The following NPHP1 variants were observed in gnomAD, a reference collection of about 807,000 sequenced individuals.
NPHP1 encodes the protein nephrocystin 1.
Under a neutral mutation model 90.4 loss-of-function variants are expected in NPHP1, and 70 were observed. The ratio of observed to expected loss-of-function variants is 0.77; its 90% CI spans 0.64 to 0.95. The LOEUF is 0.95. Among genes scored for constraint, NPHP1 ranks in the 40% least tolerant of loss-of-function variants. NPHP1 has a pLI of 0.00. For missense variants in NPHP1, 764 were observed against 795.9 expected (o/e 0.96, Z 0.48); for synonymous variants, 256 against 271.7 (o/e 0.94, Z 0.57).
chr2:110,141,988 A>AG (rs1239687628), intron 16 of NPHP1, among the ~76,000 whole-genome samples: 4 of 150,860 alleles, frequency 2.7e-5, no homozygotes, highest in African/African-American at 9.8e-5. Flanking sequence ...AAAAAAAAAA[A>AG]AGAAAGAAAA....
At chr2:110,191,229 G>A (rs1057110336) in intron 2 of NPHP1, among the ~76,000 whole-genome samples, 7 of 152,248 alleles carry the variant, frequency 4.6e-5, no homozygotes, top group Middle Eastern at 3.4e-3. Context: ...TGCCTCACCC[G>A]GGAAGCACAA....
At chr2:110,164,797 T>C in intron 7 of NPHP1, 67 bp from the exon 8 acceptor site, 1 of 1,325,938 alleles carries the variant, frequency 7.5e-7, no homozygotes, top group Non-Finnish European at 1.1e-6. Context: ...AGGGAACTTC[T>C]TTAATCACAG....
At chr2:110,145,366 C>T (rs994508115) in intron 14 of NPHP1, among the ~76,000 whole-genome samples, 6 of 152,170 alleles carry the variant, frequency 3.9e-5, no homozygotes, top group Admixed American at 2.0e-4. Flanking sequence ...AAACTGCTCA[C>T]TGCAGTCTCG....
At chr2:110,158,561 G>A (rs11900291) in intron 11 of NPHP1, among the ~76,000 whole-genome samples, 6,518 of 152,026 alleles carry the variant, frequency 0.043, 459 homozygotes, top group African/African-American at 0.15. Flanking sequence ...TTATCACTAT[G>A]TAGTGCCTGA....
intron 2 of NPHP1, among the ~76,000 whole-genome samples, chr2:110,180,684 AGGGAACAAG>A (rs925013438): frequency 2.5e-4 from 38 of 152,086 alleles, no homozygotes; most frequent in African/African-American, 8.9e-4. Context: ...TAGAAAAGCC[AGGGAACAAG>A]GGGAACAAGA....
Position 110,169,911 on chromosome 2 carries a change from T to C in NPHP1, c.417A>G (p.Glu139=), listed in dbSNP as rs1274150095. 2.5e-6 allele frequency: 4 copies of C among 1,609,464 alleles called. No homozygotes were observed. Among genetic ancestry groups the C allele is most frequent in the Non-Finnish European group, 3.4e-6 (4 of 1,175,970 alleles). ...ATTCATTTTCCTCTTTCTCTTCCTC[T>C]TCCTCCTCTGCATCTTCTTCCTCCC... is the stretch of plus-strand genomic sequence containing the variant. ...SGGEEEDAEE[E]EEEKEENESH... is the part of the protein sequence containing the mutation. Residue 139 remains glutamate (E), a synonymous_variant, in exon 5 of 20, where the codon GAA becomes GAG. Coordinates refer to ENST00000445609, the MANE Select transcript of NPHP1 (RefSeq NM_001128178.3).
At position 110,190,544 on chromosome 2, in the gene NPHP1, T is replaced by C. The variant is rs539267582; in HGVS notation, c.144-10860A>G. ...AACTCACGCTGGCCCACAAGCACCGTGTGCAGGCCCGGTTCCCACCCGCGC... is the reference window on the plus strand; with the variant it reads ...AACTCACGCTGGCCCACAAGCACCGCGTGCAGGCCCGGTTCCCACCCGCGC... On this transcript the variant is annotated intron_variant, in intron 2 of 19. Transcript: ENST00000445609. Among the ~76,000 whole-genome samples, 9 of 152,224 alleles carry C rather than the reference T, an allele frequency of 5.9e-5. No homozygotes were observed. The East Asian group carries it at 1.7e-3, about 29-fold the overall frequency.
In NPHP1 at chr2:110,146,773, A is replaced by G. The variant is rs1445661645; in HGVS notation, c.1332T>C (p.Ser444=). The change falls in exon 14 of 20, where the codon AGT becomes AGC. Residue 444 remains serine, a synonymous_variant. Coordinates refer to ENST00000445609, the MANE Select transcript of NPHP1 (RefSeq NM_001128178.3). ...CTTACTTTGCTGGAATAGGAACTCC[A>G]CTGGCATCAAAAAGTTTAAGAAACA... ...GWVFLKLFDA[S]GVPIPAKTYE... 9.3e-6 allele frequency: 15 copies of G among 1,612,590 alleles called. No homozygotes were observed. Among genetic ancestry groups the G allele is most frequent in the Non-Finnish European group, 1.2e-5 (14 of 1,178,602 alleles).
At chr2:110,173,785 A>G (rs1404878354) in intron 4 of NPHP1, among the ~76,000 whole-genome samples, 4 of 152,148 alleles carry the variant, frequency 2.6e-5, no homozygotes, top group African/African-American at 9.7e-5. Flanking sequence ...ACATATCCCT[A>G]TCACTAAGAA....
At chr2:110,188,551 A>G (rs979852087) in intron 2 of NPHP1, among the ~76,000 whole-genome samples, 10 of 152,202 alleles carry the variant, frequency 6.6e-5, no homozygotes, top group African/African-American at 2.4e-4. Context: ...GCTTGTGGAT[A>G]GGAAGAATCA....
At chr2:110,164,468 A>G in intron 8 of NPHP1, 10 of 870,538 alleles carry the variant, frequency 1.1e-5, no homozygotes, top group African/African-American at 5.0e-5. Context: ...GACACCATGA[A>G]TTATCTATTC....
At chr2:110,164,626 T>C in intron 8 of NPHP1, 62 bp downstream of exon 8, 1 of 1,612,900 alleles carries the variant, frequency 6.2e-7, no homozygotes, top group South Asian at 1.1e-5. Flanking sequence ...CTCCATCCTA[T>C]TTCGCATCAG....
At chr2:110,173,217 G>T (rs374307031) in intron 4 of NPHP1, among the ~76,000 whole-genome samples, 1 of 152,046 alleles carries the variant, frequency 6.6e-6, no homozygotes, top group Non-Finnish European at 1.5e-5. Context: ...CAGCACAGGC[G>T]TGAGCCACCG....
chr2:110,190,275 G>A (rs1048047416), intron 2 of NPHP1, among the ~76,000 whole-genome samples: 1 of 152,186 alleles, frequency 6.6e-6, no homozygotes, highest in Admixed American at 6.5e-5. Flanking sequence ...GGGCACTGTG[G>A]AGCAGGGGGT....
chr2:110,193,470 A>G (rs1056007962), intron 2 of NPHP1, among the ~76,000 whole-genome samples: 1 of 152,116 alleles, frequency 6.6e-6, no homozygotes, highest in African/African-American at 2.4e-5. Flanking sequence ...TCCTAAATAT[A>G]TATGCACCCA....
chr2:110,184,391 G>C, intron 2 of NPHP1: 1 of 618,464 alleles, frequency 1.6e-6, no homozygotes, highest in Non-Finnish European at 3.0e-6. Context: ...TCCTCACTGA[G>C]GCACCTTTAA....
intron 17 of NPHP1, among the ~76,000 whole-genome samples, chr2:110,130,053 C>A (rs1679671430): frequency 6.6e-6 from 1 of 152,150 alleles, no homozygotes; most frequent in Admixed American, 6.5e-5. Context: ...GAACACTGTG[C>A]CATCACGTGG....
chr2:110,153,594 G>A (rs1412616511), intron 11 of NPHP1, among the ~76,000 whole-genome samples: 1 of 152,146 alleles, frequency 6.6e-6, no homozygotes, highest in Non-Finnish European at 1.5e-5. Flanking sequence ...AGCTATGCAT[G>A]TATAAACTTA....
chr2:110,123,520 T>C lies in NPHP1; in HGVS notation c.*271A>G, dbSNP rs1455031958. On this transcript the variant is annotated 3_prime_UTR_variant, in exon 20 of 20. Transcript: ENST00000445609. ...TGACAAAATCTTGCTTTTATAGAAATCTATACCATTAACTTAAGTAGCTGT... is the reference window on the plus strand; with the variant it reads ...TGACAAAATCTTGCTTTTATAGAAACCTATACCATTAACTTAAGTAGCTGT... 1 of 334,990 alleles carries C rather than the reference T, an allele frequency of 3.0e-6. No individual in the cohort carries two copies. Among genetic ancestry groups the C allele is most frequent in the Non-Finnish European group, 5.4e-6 (1 of 185,298 alleles). 20.8% of individuals were successfully genotyped at this position (334,990 alleles called of 1,614,324 possible). A position where few individuals can be genotyped will look rare whatever the true frequency, so the allele number is the denominator to read the frequency against.
Sources: gnomAD v4.1 joint callset for allele counts (sites outside exome capture counted in the v4.1 genomes callset) on GRCh38, gnomAD v4.1.1 for gene constraint, MANE v1.5 for transcripts, NCBI Gene and HGNC (gene_info 2026-07-23, HGNC 2026-07-21) for gene names.